Variants in LSAMP observed in about 807,000 individuals in gnomAD.
LSAMP encodes the protein limbic system-associated membrane protein.
In LSAMP, 7 loss-of-function variants were observed where a neutral mutation model predicts 38.6. The ratio of observed to expected loss-of-function variants is 0.18; its 90% CI spans 0.10 to 0.34. The LOEUF is 0.34. Ranked by LOEUF, LSAMP falls within the 10% of genes least tolerant of loss-of-function variation. The probability of loss-of-function intolerance (pLI) is 1.00; values close to 1 mark genes in which losing one functional copy is unlikely to be tolerated. For missense variants in LSAMP, 313 were observed against 420.0 expected (o/e 0.75, Z 2.23); for synonymous variants, 154 against 166.8 (o/e 0.92, Z 0.59).
chr3:115,839,733 C>T (rs3821558), intron 6 of LSAMP, among the ~76,000 whole-genome samples: 25,929 of 152,146 alleles, frequency 0.17, 2,493 homozygotes, highest in Non-Finnish European at 0.22. Context: ...TATGGTAGTG[C>T]CTATGTGGGA....
chr3:115,966,864 A>G (rs756894812), intron 3 of LSAMP, among the ~76,000 whole-genome samples: 1 of 152,234 alleles, frequency 6.6e-6, no homozygotes, highest in Non-Finnish European at 1.5e-5. Flanking sequence ...CAGGATAGTG[A>G]TTAATAAAAT....
intron 1 of LSAMP, among the ~76,000 whole-genome samples, chr3:116,421,730 A>T (rs1038861863): frequency 1.3e-5 from 2 of 152,222 alleles, no homozygotes; most frequent in African/African-American, 4.8e-5. Context: ...CTATAATGAG[A>T]CATCACTACA....
At chr3:115,999,405 C>A (rs1230631922) in intron 3 of LSAMP, among the ~76,000 whole-genome samples, 1 of 152,166 alleles carries the variant, frequency 6.6e-6, no homozygotes, top group African/African-American at 2.4e-5. Flanking sequence ...TCCTCAAAAC[C>A]TAAAGCACAA....
chr3:116,116,830 A>G (rs72959770), intron 1 of LSAMP, among the ~76,000 whole-genome samples: 11,863 of 152,174 alleles, frequency 0.078, 1,499 homozygotes, highest in African/African-American at 0.27. Flanking sequence ...AGGCCGCTGT[A>G]CTACAGAGGC....
chr3:115,963,981 G>A (rs565649620), intron 3 of LSAMP, among the ~76,000 whole-genome samples: 1 of 152,180 alleles, frequency 6.6e-6, no homozygotes, highest in East Asian at 1.9e-4. Context: ...TTGAACTACT[G>A]AGCTCAAGTG....
At chr3:115,861,555 A>T (rs1935703197) in intron 3 of LSAMP, among the ~76,000 whole-genome samples, 2 of 152,178 alleles carry the variant, frequency 1.3e-5, no homozygotes, top group South Asian at 4.2e-4. Flanking sequence ...CTGTACACAG[A>T]CCCTCACCTG....
chr3:115,981,835 A>T (rs897996287), intron 3 of LSAMP, among the ~76,000 whole-genome samples: 1 of 152,186 alleles, frequency 6.6e-6, no homozygotes, highest in African/African-American at 2.4e-5. Context: ...TATGAAAATT[A>T]CATTATTCTT....
At chr3:115,879,037 A>G (rs748861301) in intron 3 of LSAMP, among the ~76,000 whole-genome samples, 2 of 152,134 alleles carry the variant, frequency 1.3e-5, no homozygotes, top group Non-Finnish European at 2.9e-5. Context: ...AAGTTACATG[A>G]CAGCAAATTT....
At chr3:116,202,393 CAA>C (rs1162679164) in intron 1 of LSAMP, among the ~76,000 whole-genome samples, 4 of 152,178 alleles carry the variant, frequency 2.6e-5, no homozygotes, top group Admixed American at 1.3e-4. Context: ...CACAGCCTCC[CAA>C]AGTGCTGGGA....
intron 2 of LSAMP, among the ~76,000 whole-genome samples, chr3:116,080,702 C>G (rs1224547825): frequency 6.6e-6 from 1 of 152,150 alleles, no homozygotes; most frequent in Non-Finnish European, 1.5e-5. Flanking sequence ...AATCAAGAGG[C>G]TATTGTCTGA....
chr3:116,043,697 G>A (rs1332776300), intron 2 of LSAMP, among the ~76,000 whole-genome samples: 5 of 152,224 alleles, frequency 3.3e-5, no homozygotes, highest in Non-Finnish European at 7.3e-5. Flanking sequence ...TGTAATCCCA[G>A]CACTTTGGGA....
chr3:116,268,740 T>C (rs1216174121), intron 1 of LSAMP, among the ~76,000 whole-genome samples: 1 of 152,120 alleles, frequency 6.6e-6, no homozygotes, highest in Non-Finnish European at 1.5e-5. Flanking sequence ...TTTTAAAGTA[T>C]ATAATTTGTT....
At chr3:116,189,713 CT>C (rs1417375356) in intron 1 of LSAMP, among the ~76,000 whole-genome samples, 7 of 152,070 alleles carry the variant, frequency 4.6e-5, no homozygotes, top group Admixed American at 4.6e-4. Context: ...CATGATCCCC[CT>C]TTTTAATAAT....
At chr3:115,968,331 C>A (rs906270422) in intron 3 of LSAMP, among the ~76,000 whole-genome samples, 6 of 152,054 alleles carry the variant, frequency 3.9e-5, no homozygotes, top group African/African-American at 1.4e-4. Context: ...CTGTGAGTCA[C>A]AACCAAGGTC....
intron 3 of LSAMP, among the ~76,000 whole-genome samples, chr3:115,953,790 G>GTGGTCAC (rs1938370056): frequency 6.6e-6 from 1 of 152,188 alleles, no homozygotes; most frequent in South Asian, 2.1e-4. Context: ...TCACTGTGCT[G>GTGGTCAC]TAACCACATT....
chr3:116,071,510 G>A (rs1050249739), intron 2 of LSAMP, among the ~76,000 whole-genome samples: 1 of 152,108 alleles, frequency 6.6e-6, no homozygotes, highest in Non-Finnish European at 1.5e-5. Context: ...GTGGAGGTAT[G>A]AGTACATATG....
intron 1 of LSAMP, among the ~76,000 whole-genome samples, chr3:116,421,024 A>C (rs2049116093): frequency 6.6e-6 from 1 of 152,240 alleles, no homozygotes; most frequent in South Asian, 2.1e-4. Flanking sequence ...GCATACATAG[A>C]AATTGATAAA....
chr3:116,195,878 T>G (rs1057052300), intron 1 of LSAMP, among the ~76,000 whole-genome samples: 3 of 152,180 alleles, frequency 2.0e-5, no homozygotes, highest in African/African-American at 7.2e-5. Context: ...ATCTTTGGTG[T>G]GTTGGATCCA....
In LSAMP at chr3:115,818,790, T is replaced by TTATATACATATATA. The variant is rs1467152356; in HGVS notation, c.920-8377_920-8376insTATATATGTATATA. Among the ~76,000 whole-genome samples the TTATATACATATATA allele has an allele frequency of 1.1e-3, 79 of 69,768 alleles. 4 individuals are homozygous for TTATATACATATATA. The highest frequency in any genetic ancestry group is 3.3e-3 in the African/African-American group (76 of 22,886). 45.8% of individuals were successfully genotyped at this position (69,768 alleles called of 152,430 possible). ...ATAAGAAAGAAGGAAAGTTGTACTT[T>TTATATACATATATA]TATATATATATATATATATATATAT... is the stretch of plus-strand genomic sequence containing the variant. On this transcript the variant is annotated intron_variant, in intron 6 of 6. Coordinates refer to ENST00000490035, the MANE Select transcript of LSAMP (RefSeq NM_002338.5).
Sources: gnomAD v4.1 joint callset for allele counts (sites outside exome capture counted in the v4.1 genomes callset) on GRCh38, gnomAD v4.1.1 for gene constraint, MANE v1.5 for transcripts, NCBI Gene and HGNC (gene_info 2026-07-23, HGNC 2026-07-21) for gene names.